The following RBFOX1 variants were observed in gnomAD, a reference collection of about 807,000 sequenced individuals.
The protein encoded by RBFOX1 is RNA binding protein fox-1 homolog 1.
RBFOX1 carries 8 observed loss-of-function variants against 57.7 expected under a neutral mutation model. That is an observed-to-expected ratio of 0.14 (90% CI 0.08 to 0.25). The LOEUF is 0.25. RBFOX1 is among the 10% of genes least tolerant of loss of function. The pLI, the probability that RBFOX1 is intolerant of heterozygous loss-of-function variation, is 1.00. For synonymous variants in RBFOX1, 326 were observed against 222.4 expected (o/e 1.47, Z -4.15); for missense variants, 611 against 548.5 (o/e 1.11, Z -1.14).
chr16:6,209,832 G>C (rs755488415), intron 1 of RBFOX1, among the ~76,000 whole-genome samples: 2 of 152,184 alleles, frequency 1.3e-5, no homozygotes, highest in African/African-American at 2.4e-5. Flanking sequence ...GAGGCAGAGG[G>C]AATCGATAGA....
At chr16:6,812,511 T>C (rs1444113045) in intron 3 of RBFOX1, among the ~76,000 whole-genome samples, 2 of 152,062 alleles carry the variant, frequency 1.3e-5, no homozygotes, top group Non-Finnish European at 1.5e-5. Flanking sequence ...GTAGCTGGGA[T>C]TACAGGCACA....
chr16:7,292,887 C>T (rs1422870953), intron 4 of RBFOX1, among the ~76,000 whole-genome samples: 2 of 151,958 alleles, frequency 1.3e-5, no homozygotes, highest in African/African-American at 2.4e-5. Flanking sequence ...AGAGATGATC[C>T]CCTCAAAGAC....
intron 4 of RBFOX1, among the ~76,000 whole-genome samples, chr16:7,375,745 A>C (rs1036289903): frequency 6.6e-6 from 1 of 152,144 alleles, no homozygotes; most frequent in African/African-American, 2.4e-5. Flanking sequence ...AAATAAAATG[A>C]ATGATTTTTC....
intron 4 of RBFOX1, among the ~76,000 whole-genome samples, chr16:7,412,763 C>G (rs373127989): frequency 1.2e-4 from 19 of 152,192 alleles, no homozygotes; most frequent in East Asian, 5.8e-4. Context: ...GGAATTACGA[C>G]TGGGCATGGT....
At position 7,713,077 on chromosome 16, in the gene RBFOX1, A is replaced by G. The variant is rs1172881379; in HGVS notation, c.*2332A>G. 1 of 152,186 alleles carries G rather than the reference A, an allele frequency of 6.6e-6. No homozygotes were observed. The highest frequency in any genetic ancestry group is 1.5e-5 in the Non-Finnish European group (1 of 68,016). The allele number at this position is 152,186 out of a possible 1,614,324, so 9.4% of individuals were successfully genotyped here. On this transcript the variant is annotated 3_prime_UTR_variant, in exon 16 of 16. Coordinates refer to ENST00000550418, the MANE Select transcript of RBFOX1 (RefSeq NM_018723.4). ...TTTAAAATGTATGTCAGAGATGTAA[A>G]CAAACATTTTGGATTTTTTTTAAAC...
intron 2 of RBFOX1, among the ~76,000 whole-genome samples, chr16:6,625,517 G>T (rs1371155426): frequency 1.1e-4 from 16 of 152,118 alleles, no homozygotes; most frequent in Non-Finnish European, 2.9e-5. Context: ...GATTCACTCA[G>T]TTCGTTAAAA....
chr16:7,355,709 A>T (rs2097203111), intron 4 of RBFOX1, among the ~76,000 whole-genome samples: 1 of 152,228 alleles, frequency 6.6e-6, no homozygotes, highest in Non-Finnish European at 1.5e-5. Context: ...CCCTTCAGCA[A>T]ATGGCTTTGC....
intron 4 of RBFOX1, among the ~76,000 whole-genome samples, chr16:7,061,501 T>A (rs867459650): frequency 6.6e-6 from 1 of 152,204 alleles, no homozygotes; most frequent in Admixed American, 6.5e-5. Flanking sequence ...CTGAATCTTA[T>A]AATTCACATA....
At chr16:7,669,757 G>A (rs1370122854) in intron 13 of RBFOX1, among the ~76,000 whole-genome samples, 2 of 152,078 alleles carry the variant, frequency 1.3e-5, no homozygotes, top group South Asian at 4.1e-4. Flanking sequence ...AGTAGCTTTG[G>A]GAACATGTAA....
intron 5 of RBFOX1, among the ~76,000 whole-genome samples, chr16:7,524,409 C>T (rs1238407422): frequency 6.6e-6 from 1 of 152,124 alleles, no homozygotes; most frequent in African/African-American, 2.4e-5. Context: ...TGTAGGCCTC[C>T]AAACATATCA....
intron 3 of RBFOX1, among the ~76,000 whole-genome samples, chr16:5,833,308 A>T (rs867980123): frequency 6.6e-6 from 1 of 152,046 alleles, no homozygotes; most frequent in Non-Finnish European, 1.5e-5. Context: ...CCTGGCTAAC[A>T]CGGTGAAACC....
At chr16:6,510,118 T>C (rs563008481) in intron 2 of RBFOX1, among the ~76,000 whole-genome samples, 6 of 152,184 alleles carry the variant, frequency 3.9e-5, no homozygotes, top group Non-Finnish European at 8.8e-5. Flanking sequence ...TCCTCTATCC[T>C]GAGCTCTTTG....
chr16:6,334,507 CAAAAAA>C (rs35514991), intron 2 of RBFOX1, among the ~76,000 whole-genome samples: 11 of 115,954 alleles, frequency 9.5e-5, no homozygotes, highest in African/African-American at 3.5e-4. Context: ...GATAGCATCT[CAAAAAA>C]AAAAAAAAAA....
intron 3 of RBFOX1, among the ~76,000 whole-genome samples, chr16:6,843,296 G>T (rs535010169): frequency 6.6e-6 from 1 of 152,050 alleles, no homozygotes; most frequent in South Asian, 2.1e-4. Flanking sequence ...CACACAGAGT[G>T]GCCATGGTGG....
intron 4 of RBFOX1, among the ~76,000 whole-genome samples, chr16:7,072,632 A>G (rs1341354687): frequency 6.6e-6 from 1 of 152,238 alleles, no homozygotes; most frequent in Non-Finnish European, 1.5e-5. Context: ...TGCCCTAGGA[A>G]GAGATTTCAG....
At chr16:6,238,624 C>G (rs11643547) in intron 1 of RBFOX1, among the ~76,000 whole-genome samples, 6,120 of 152,266 alleles carry the variant, frequency 0.04, 154 homozygotes, top group Middle Eastern at 0.12. Flanking sequence ...GCATTAAAAA[C>G]TATCAAAATT....
intron 4 of RBFOX1, among the ~76,000 whole-genome samples, chr16:7,230,939 T>C (rs75516963): frequency 0.046 from 6,957 of 152,214 alleles, 506 homozygotes; most frequent in African/African-American, 0.16. Flanking sequence ...TACCTTCTGA[T>C]GTTAGGTAAC....
At chr16:5,425,057 T>TTATTTATTTA (rs1597009045) in intron 1 of RBFOX1, among the ~76,000 whole-genome samples, 1 of 99,804 alleles carries the variant, frequency 1.0e-5, no homozygotes, top group East Asian at 3.6e-4. Flanking sequence ...CTCTCCTTCC[T>TTATTTATTTA]TCCTTTCTTA....
chr16:7,022,834 C>G (rs914724638), intron 3 of RBFOX1, among the ~76,000 whole-genome samples: 5 of 152,134 alleles, frequency 3.3e-5, no homozygotes, highest in African/African-American at 1.2e-4. Flanking sequence ...TCCAAGGAAG[C>G]TGAGGGGCAG....
Sources: gnomAD v4.1 joint callset for allele counts (sites outside exome capture counted in the v4.1 genomes callset) on GRCh38, gnomAD v4.1.1 for gene constraint, MANE v1.5 for transcripts, NCBI Gene and HGNC (gene_info 2026-07-23, HGNC 2026-07-21) for gene names.